HDAC4: variants seen among roughly 807,000 people sequenced by gnomAD.
HDAC4 encodes the protein histone deacetylase A.
Under a neutral mutation model 135.1 loss-of-function variants are expected in HDAC4, and 16 were observed. The ratio of observed to expected loss-of-function variants is 0.12; its 90% CI spans 0.08 to 0.18. HDAC4 has a LOEUF of 0.18. Ranked by LOEUF, HDAC4 falls within the 10% of genes least tolerant of loss-of-function variation. The pLI is 1.00. For missense variants in HDAC4, 1,143 were observed against 1,511.8 expected (o/e 0.76, Z 4.05); for synonymous variants, 685 against 653.4 (o/e 1.05, Z -0.74).
At chr2:239,140,388 T>C (rs1575164439) in intron 8 of HDAC4, among the ~76,000 whole-genome samples, 1 of 152,094 alleles carries the variant, frequency 6.6e-6, no homozygotes, top group Non-Finnish European at 1.5e-5. Flanking sequence ...TGAGACCAGG[T>C]TCCGCTCTGA....
rs2030889012 is a variant in HDAC4 at position 239,051,765 on chromosome 2, A to G, written c.*1332T>C. On this transcript the variant is annotated 3_prime_UTR_variant, in exon 27 of 27. Transcript: ENST00000543185. Reference sequence around the variant, plus strand: ...CTTGAGAAAACATGAATTTCAATCAATCAGGATCCCTTTCCATAAGCACCT... The same window carrying G: ...CTTGAGAAAACATGAATTTCAATCAGTCAGGATCCCTTTCCATAAGCACCT... 1 of 152,472 alleles carries G rather than the reference A, an allele frequency of 6.6e-6. No homozygotes were observed. The highest frequency in any genetic ancestry group is 1.5e-5 in the Non-Finnish European group (1 of 68,036). 9.4% of individuals were successfully genotyped at this position (152,472 alleles called of 1,614,324 possible).
At chr2:239,388,360 C>T (rs1308376228) in intron 1 of HDAC4, among the ~76,000 whole-genome samples, 2 of 152,258 alleles carry the variant, frequency 1.3e-5, no homozygotes. Flanking sequence ...CCTTCTAACA[C>T]ACCACTTGCC....
intron 1 of HDAC4, among the ~76,000 whole-genome samples, chr2:239,399,308 C>A (rs539308062): frequency 6.6e-6 from 1 of 152,290 alleles, no homozygotes; most frequent in South Asian, 2.1e-4. Flanking sequence ...ATAGTTACTG[C>A]AAAATTCTGC....
chr2:239,186,676 T>C (rs2044569150), intron 4 of HDAC4: 1 of 152,248 alleles, frequency 6.6e-6, no homozygotes, highest in South Asian at 2.1e-4. Flanking sequence ...GCCTGGCCTG[T>C]AGGAGCGACG....
intron 2 of HDAC4, among the ~76,000 whole-genome samples, chr2:239,277,647 C>T (rs962522792): frequency 6.6e-6 from 1 of 152,320 alleles, no homozygotes; most frequent in East Asian, 1.9e-4. Context: ...GTTCTAGCTG[C>T]CTAAAAGGGC....
intron 2 of HDAC4, among the ~76,000 whole-genome samples, chr2:239,274,870 C>T (rs1028872421): frequency 6.6e-6 from 1 of 152,240 alleles, no homozygotes; most frequent in Non-Finnish European, 1.5e-5. Context: ...GGCCACTCCC[C>T]CTTCTGCTGC....
intron 2 of HDAC4, among the ~76,000 whole-genome samples, chr2:239,300,107 A>C (rs67970364): frequency 6.6e-6 from 1 of 152,016 alleles, no homozygotes; most frequent in Non-Finnish European, 1.5e-5. Flanking sequence ...CAGTCTCCTC[A>C]ACAACCTTGG....
intron 7 of HDAC4, among the ~76,000 whole-genome samples, chr2:239,151,719 G>C (rs1217095700): frequency 6.6e-6 from 1 of 152,196 alleles, no homozygotes; most frequent in East Asian, 1.9e-4. Context: ...AGAGAATGCC[G>C]GAACAAGGCT....
intron 2 of HDAC4, among the ~76,000 whole-genome samples, chr2:239,317,778 G>A (rs975485170): frequency 6.6e-6 from 1 of 152,186 alleles, no homozygotes; most frequent in Admixed American, 6.5e-5. Flanking sequence ...TTAAGCCAAC[G>A]ACAGAGGGTC....
intron 2 of HDAC4, among the ~76,000 whole-genome samples, chr2:239,292,373 A>G (rs1382404704): frequency 6.6e-6 from 1 of 152,146 alleles, no homozygotes; most frequent in East Asian, 1.9e-4. Context: ...GCTGTTTGTT[A>G]GATGTGTGAC....
At chr2:239,108,625 G>C (rs577760295) in intron 14 of HDAC4, among the ~76,000 whole-genome samples, 1 of 152,302 alleles carries the variant, frequency 6.6e-6, no homozygotes, top group Admixed American at 6.5e-5. Context: ...GCCTGGTCCT[G>C]GACCAATAGT....
chr2:239,051,818 T>A lies in HDAC4; in HGVS notation c.*1279A>T, dbSNP rs2030896026. 6.6e-6 allele frequency: 1 copy of A among 152,234 alleles called. No homozygotes were observed. The highest frequency in any genetic ancestry group is 2.4e-5 in the African/African-American group (1 of 41,422). The allele number at this position is 152,234 out of a possible 1,614,324, so 9.4% of individuals were successfully genotyped here. On this transcript the variant is annotated 3_prime_UTR_variant, in exon 27 of 27. Coordinates refer to ENST00000543185, the MANE Select transcript of HDAC4 (RefSeq NM_001378414.1). ...AGAGCAAATTCACAAGCCATCCATT[T>A]GCAGGGACCTTCGCAATCTGCATTC... is the stretch of plus-strand genomic sequence containing the variant.
intron 2 of HDAC4, among the ~76,000 whole-genome samples, chr2:239,324,223 G>A (rs1349289368): frequency 6.6e-6 from 1 of 152,166 alleles, no homozygotes. Context: ...AATTGGACAC[G>A]CAAAGGCAAA....
chr2:239,350,897 C>T (rs972160226), intron 2 of HDAC4, among the ~76,000 whole-genome samples: 2 of 152,186 alleles, frequency 1.3e-5, no homozygotes, highest in African/African-American at 4.8e-5. Context: ...GCCTGCAGAG[C>T]ATGTACAAAT....
intron 3 of HDAC4, among the ~76,000 whole-genome samples, chr2:239,216,700 T>C (rs1436522821): frequency 6.6e-6 from 1 of 152,198 alleles, no homozygotes; most frequent in East Asian, 1.9e-4. Context: ...TCTGCCCTGC[T>C]GCACTCCTTC....
At chr2:239,134,150 A>T (rs1259976885) in intron 11 of HDAC4, 95 bp downstream of exon 11, 1 of 967,188 alleles carries the variant, frequency 1.0e-6, no homozygotes, top group Admixed American at 1.9e-5. Flanking sequence ...ACAGGCGTGC[A>T]TTCCTGTCTC....
intron 5 of HDAC4, among the ~76,000 whole-genome samples, chr2:239,175,402 G>A (rs1009547593): frequency 2.6e-5 from 4 of 152,208 alleles, no homozygotes; most frequent in South Asian, 2.1e-4. Context: ...AGGAGCCCAC[G>A]GGTCATCGTC....
chr2:239,162,523 C>T (rs894501372), intron 6 of HDAC4, among the ~76,000 whole-genome samples: 1 of 152,214 alleles, frequency 6.6e-6, no homozygotes, highest in Non-Finnish European at 1.5e-5. Context: ...GGGCACAGAT[C>T]GGGGTCTCCC....
chr2:239,300,827 A>C (rs1007253248), intron 2 of HDAC4, among the ~76,000 whole-genome samples: 7 of 152,174 alleles, frequency 4.6e-5, no homozygotes, highest in African/African-American at 1.7e-4. Context: ...TGGGAGGGAG[A>C]AGTGAAAGAG....
Sources: gnomAD v4.1 joint callset for allele counts (sites outside exome capture counted in the v4.1 genomes callset) on GRCh38, gnomAD v4.1.1 for gene constraint, MANE v1.5 for transcripts, NCBI Gene and HGNC (gene_info 2026-07-23, HGNC 2026-07-21) for gene names.